Variants in TNS3 observed in about 807,000 individuals in gnomAD.
TNS3 encodes the protein tensin 3, also known as tensin-3.
Under a neutral mutation model 140.9 loss-of-function variants are expected in TNS3, and 45 were observed. That is an observed-to-expected ratio of 0.32 (90% CI 0.25 to 0.41). TNS3 has a LOEUF of 0.41. TNS3 is among the 10% of genes least tolerant of loss of function. The pLI is 1.00. For missense variants in TNS3, 1,716 were observed against 1,906.7 expected, an observed-to-expected ratio of 0.90 and a Z score of 1.86; for synonymous variants, 815 against 788.4, an observed-to-expected ratio of 1.03 and a Z score of -0.56.
At chr7:47,307,346 G>A (rs571908117) in intron 20 of TNS3, among the ~76,000 whole-genome samples, 4 of 152,084 alleles carry the variant, frequency 2.6e-5, no homozygotes, top group South Asian at 4.1e-4. Context: ...GCTTTTCAAC[G>A]GTGAGTACTT....
chr7:47,337,372 G>C (rs1049526979), intron 20 of TNS3, among the ~76,000 whole-genome samples: 3 of 152,212 alleles, frequency 2.0e-5, no homozygotes, highest in Non-Finnish European at 2.9e-5. Flanking sequence ...TGCTGACTAA[G>C]GAGGTATCAA....
Position 47,547,683 on chromosome 7 carries a change from C to T in TNS3, c.-264-18536G>A, listed in dbSNP as rs186030812. 4.6e-3 allele frequency among the ~76,000 whole-genome samples: 697 copies of T among 152,234 alleles called. 5 individuals are homozygous for T. The highest frequency in any genetic ancestry group is 0.016 in the African/African-American group (660 of 41,522). ...GACTTCCAGGAGCCCTCAGCATGGC[C>T]CCACGTCTACGCCGCCATCCACCCC... On this transcript the variant is annotated intron_variant, in intron 1 of 30. Coordinates refer to ENST00000311160, the MANE Select transcript of TNS3 (RefSeq NM_022748.12).
At chr7:47,306,039 A>G (rs1038329674) in intron 20 of TNS3, among the ~76,000 whole-genome samples, 1 of 152,182 alleles carries the variant, frequency 6.6e-6, no homozygotes, top group Non-Finnish European at 1.5e-5. Context: ...GTGTTATTTT[A>G]ATTATACTGA....
At position 47,341,013 on chromosome 7, in the gene TNS3, TTTCTTTAGCCTG is replaced by T. The variant is rs1358682321; in HGVS notation, c.2650+3730_2650+3741del. ...GATTGACTGATATAGTCGTGAGCTT[TTTCTTTAGCCTG>T]TTAGTATAGTGTATTACATGAATGA... On this transcript the variant is annotated intron_variant, in intron 20 of 30. Coordinates refer to ENST00000311160, the MANE Select transcript of TNS3 (RefSeq NM_022748.12). Among the ~76,000 whole-genome samples, 7 of 152,318 alleles carry T rather than the reference TTTCTTTAGCCTG, an allele frequency of 4.6e-5. No homozygotes were observed. The East Asian group carries it at 1.3e-3, about 29-fold the overall frequency.
intron 1 of TNS3, among the ~76,000 whole-genome samples, chr7:47,530,510 C>T (rs1237519366): frequency 6.6e-6 from 1 of 151,652 alleles, no homozygotes; most frequent in Non-Finnish European, 1.5e-5. Context: ...AAACTATAAA[C>T]CCACAGATCC....
intron 1 of TNS3, among the ~76,000 whole-genome samples, chr7:47,543,538 A>T (rs2151969228): frequency 6.6e-6 from 1 of 152,354 alleles, no homozygotes; most frequent in East Asian, 1.9e-4. Context: ...GGTATTAATG[A>T]TCAAAGATGC....
At chr7:47,373,182 G>A (rs770807334) in intron 16 of TNS3, among the ~76,000 whole-genome samples, 2 of 152,186 alleles carry the variant, frequency 1.3e-5, no homozygotes, top group African/African-American at 2.4e-5. Context: ...TCGGACAAAG[G>A]AGACGGCCGT....
intron 2 of TNS3, among the ~76,000 whole-genome samples, chr7:47,512,365 C>T (rs1798641188): frequency 6.6e-6 from 1 of 152,250 alleles, no homozygotes; most frequent in African/African-American, 2.4e-5. Flanking sequence ...CATGTCCCCT[C>T]TGGCACACAT....
intron 20 of TNS3, among the ~76,000 whole-genome samples, chr7:47,338,706 T>C (rs752057552): frequency 2.6e-5 from 4 of 152,230 alleles, no homozygotes; most frequent in Non-Finnish European, 5.9e-5. Context: ...ACTTCGATGG[T>C]GTATATGTCC....
chr7:47,334,757 C>T (rs1012069965), intron 20 of TNS3, among the ~76,000 whole-genome samples: 4 of 151,886 alleles, frequency 2.6e-5, no homozygotes, highest in Admixed American at 1.3e-4. Context: ...TACAGGCATG[C>T]GCCACCATGC....
chr7:47,297,110 T>G lies in TNS3; in HGVS notation c.3648A>C (p.Pro1216=). 6 of 1,614,086 alleles carry G rather than the reference T, an allele frequency of 3.7e-6. No individual in the cohort carries two copies. Among genetic ancestry groups the G allele is most frequent in the Middle Eastern group, 1.6e-4 (1 of 6,062 alleles). ...TCTTGTTCAGCTGCAGGACTGAAGG[T>G]GGGGGCGTGGCCACCTTCATGGCCA... ...YGLAMKVATP[P]PSVLQLNKKA... Residue 1216 remains proline, a synonymous_variant, in exon 24 of 31, where the codon CCA becomes CCC. Transcript: ENST00000311160.
At chr7:47,382,559 T>A (rs111526021) in intron 16 of TNS3, among the ~76,000 whole-genome samples, 3,573 of 152,280 alleles carry the variant, frequency 0.023, 137 homozygotes, top group African/African-American at 0.079. Flanking sequence ...CAGAGTGTTT[T>A]GAAAGCCCCC....
chr7:47,557,111 T>A (rs900439124), intron 1 of TNS3: 2 of 456,840 alleles, frequency 4.4e-6, no homozygotes, highest in South Asian at 3.1e-5. Flanking sequence ...GATCTCTGCC[T>A]GGAGCACATG....
chr7:47,292,827 C>T lies in TNS3; in HGVS notation c.3850+1G>A. Reference sequence around the variant, plus strand: ...CCTGACTAGCACTGAGGACCCCTTACCTCTCTCTGGGATAAGCAGCTTGCA... The same window carrying T: ...CCTGACTAGCACTGAGGACCCCTTATCTCTCTCTGGGATAAGCAGCTTGCA... On this transcript the variant is annotated splice_donor_variant, in intron 26 of 30. Transcript: ENST00000311160. LOFTEE classifies it high-confidence loss of function. The T allele has an allele frequency of 6.2e-7, 1 of 1,614,084 alleles. No homozygotes were observed. Among genetic ancestry groups the T allele is most frequent in the Non-Finnish European group, 8.5e-7 (1 of 1,179,968 alleles).
intron 20 of TNS3, among the ~76,000 whole-genome samples, chr7:47,318,498 C>T (rs1246319451): frequency 1.3e-5 from 2 of 152,142 alleles, no homozygotes; most frequent in Non-Finnish European, 2.9e-5. Flanking sequence ...AGTGGGAGTG[C>T]AAACAGACAG....
chr7:47,563,690 C>A (rs1800363811), intron 1 of TNS3, among the ~76,000 whole-genome samples: 1 of 152,224 alleles, frequency 6.6e-6, no homozygotes, highest in Non-Finnish European at 1.5e-5. Context: ...GTTGAGGCCA[C>A]TGAGCAGGGA....
chr7:47,295,582 G>A (rs1266779119), intron 24 of TNS3, among the ~76,000 whole-genome samples: 1 of 152,002 alleles, frequency 6.6e-6, no homozygotes, highest in East Asian at 1.9e-4. Flanking sequence ...TACTTTTCAA[G>A]AATTATCTGT....
intron 16 of TNS3, among the ~76,000 whole-genome samples, chr7:47,376,878 G>A (rs1791423833): frequency 6.6e-6 from 1 of 152,172 alleles, no homozygotes; most frequent in Non-Finnish European, 1.5e-5. Context: ...CTGCAGTGAT[G>A]GTCACAGTTT....
At chr7:47,519,114 G>A (rs1457775538) in intron 2 of TNS3, among the ~76,000 whole-genome samples, 1 of 152,182 alleles carries the variant, frequency 6.6e-6, no homozygotes, top group African/African-American at 2.4e-5. Flanking sequence ...CCCAGAGTCA[G>A]TGAGACCCAC....
Sources: gnomAD v4.1 joint callset for allele counts (sites outside exome capture counted in the v4.1 genomes callset) on GRCh38, gnomAD v4.1.1 for gene constraint, MANE v1.5 for transcripts, NCBI Gene and HGNC (gene_info 2026-07-23, HGNC 2026-07-21) for gene names.